The following GNAO1 variants were observed in gnomAD, a reference collection of about 807,000 sequenced individuals.
The protein encoded by GNAO1 is guanine nucleotide-binding protein G(o) subunit alpha.
For synonymous variants in GNAO1, 164 were observed against 180.7 expected (o/e 0.91, Z 0.74); for missense variants, 166 against 478.7 (o/e 0.35, Z 6.10).
At chr16:56,233,469 G>A (rs1286078811) in intron 2 of GNAO1, among the ~76,000 whole-genome samples, 1 of 152,196 alleles carries the variant, frequency 6.6e-6, no homozygotes, top group Non-Finnish European at 1.5e-5. Flanking sequence ...CTTGCTGTAG[G>A]CCAAGGCTTT....
At chr16:56,216,970 C>G (rs1167597038) in intron 2 of GNAO1, among the ~76,000 whole-genome samples, 1 of 152,220 alleles carries the variant, frequency 6.6e-6, no homozygotes, top group Admixed American at 6.5e-5. Flanking sequence ...AGATAAAGCA[C>G]TTGGCTTAGG....
Position 56,192,750 on chromosome 16 carries a change from A to ACC in GNAO1, c.161+137_161+138dup, listed in dbSNP as rs573210884. 4,921 of 573,780 alleles carry ACC rather than the reference A, an allele frequency of 8.6e-3. 68 individuals carry two copies. The highest frequency in any genetic ancestry group is 0.071 in the Admixed American group (2,891 of 40,874). The allele number at this position is 573,780 out of a possible 1,614,324, so 35.5% of individuals were successfully genotyped here. ...TGCACACACACACACACACACACAC[A>ACC]CCCCTATATTTGACTCCCCTCCCCC... is the stretch of plus-strand genomic sequence containing the variant. On this transcript the variant is annotated intron_variant, in intron 2 of 8. Transcript: ENST00000262493.
chr16:56,348,032 T>C, intron 6 of GNAO1: 1 of 980,814 alleles, frequency 1.0e-6, no homozygotes, highest in African/African-American at 1.7e-5. Context: ...TCGAGTGCAG[T>C]GGTCCCACCT....
intron 3 of GNAO1, among the ~76,000 whole-genome samples, chr16:56,322,469 G>T (rs2037584490): frequency 2.0e-5 from 3 of 152,174 alleles, no homozygotes; most frequent in Non-Finnish European, 2.9e-5. Flanking sequence ...CTAAAAGCAG[G>T]CAGACAAAGG....
At chr16:56,198,176 G>T (rs560076281) in intron 2 of GNAO1, among the ~76,000 whole-genome samples, 3 of 152,350 alleles carry the variant, frequency 2.0e-5, no homozygotes, top group Non-Finnish European at 2.9e-5. Flanking sequence ...CAGAGTGTGG[G>T]TTTACAAATG....
intron 3 of GNAO1, 118 bp from the exon 4 acceptor site, chr16:56,328,513 G>A (rs374083641): frequency 1.7e-5 from 17 of 1,009,808 alleles, no homozygotes; most frequent in East Asian, 2.4e-5. Flanking sequence ...GCTGAGCTGC[G>A]GTCCTGCTGC....
At chr16:56,287,784 G>A (rs115587601) in intron 3 of GNAO1, among the ~76,000 whole-genome samples, 2 of 152,088 alleles carry the variant, frequency 1.3e-5, no homozygotes, top group African/African-American at 2.4e-5. Context: ...CTTTGCAGGA[G>A]TGGAGCTGAG....
At chr16:56,299,740 G>A (rs1390300774) in intron 3 of GNAO1, among the ~76,000 whole-genome samples, 3 of 152,208 alleles carry the variant, frequency 2.0e-5, no homozygotes, top group Non-Finnish European at 4.4e-5. Flanking sequence ...AACTAGCAGA[G>A]TAGCCACTTC....
intron 2 of GNAO1, among the ~76,000 whole-genome samples, chr16:56,257,821 C>T (rs1341130305): frequency 6.6e-6 from 1 of 152,200 alleles, no homozygotes; most frequent in Non-Finnish European, 1.5e-5. Flanking sequence ...ACAGGGCCAG[C>T]AGGCTGGTAG....
chr16:56,288,546 C>T (rs756114299), intron 3 of GNAO1, among the ~76,000 whole-genome samples: 1 of 152,226 alleles, frequency 6.6e-6, no homozygotes, highest in African/African-American at 2.4e-5. Context: ...TAAAAGGAGG[C>T]TGCTTCCTCT....
At chr16:56,295,304 G>A (rs969296586) in intron 3 of GNAO1, among the ~76,000 whole-genome samples, 2 of 152,120 alleles carry the variant, frequency 1.3e-5, no homozygotes, top group South Asian at 2.1e-4. Context: ...TCCGTGGCTC[G>A]CAGATGGGCA....
At chr16:56,291,819 A>G (rs1468271338) in intron 3 of GNAO1, among the ~76,000 whole-genome samples, 1 of 152,196 alleles carries the variant, frequency 6.6e-6, no homozygotes, top group Non-Finnish European at 1.5e-5. Context: ...ATGGTGCCCT[A>G]TCACTGCATC....
At chr16:56,343,852 G>T in intron 6 of GNAO1, 1 of 1,613,940 alleles carries the variant, frequency 6.2e-7, no homozygotes. Context: ...CTACACCCAC[G>T]TCACCTGCGC....
chr16:56,192,526 C>A, intron 1 of GNAO1, 48 bp from the exon 2 acceptor site: 1 of 1,307,192 alleles, frequency 7.6e-7, no homozygotes, highest in Non-Finnish European at 1.1e-6. Flanking sequence ...CCCCTGTTCC[C>A]TTAAGCTGAC....
chr16:56,342,717 G>T (rs553286048), intron 6 of GNAO1, among the ~76,000 whole-genome samples: 1 of 152,206 alleles, frequency 6.6e-6, no homozygotes, highest in Admixed American at 6.5e-5. Context: ...AAAGGAAAAG[G>T]CCCACCCACA....
chr16:56,250,276 A>AC (rs1311464090), intron 2 of GNAO1, among the ~76,000 whole-genome samples: 10 of 152,238 alleles, frequency 6.6e-5, no homozygotes, highest in African/African-American at 2.4e-4. Context: ...TTCTTGGCTT[A>AC]CCAGGGGTCT....
At chr16:56,248,154 A>G (rs2036766584) in intron 2 of GNAO1, among the ~76,000 whole-genome samples, 1 of 152,262 alleles carries the variant, frequency 6.6e-6, no homozygotes, top group African/African-American at 2.4e-5. Flanking sequence ...TTTTAACAGT[A>G]AAACATATTT....
chr16:56,247,482 G>GTTTTT (rs61650674), intron 2 of GNAO1, among the ~76,000 whole-genome samples: 24 of 119,658 alleles, frequency 2.0e-4, no homozygotes, highest in African/African-American at 2.5e-4. Context: ...TTAGGGTGAG[G>GTTTTT]TTTTTTTTTT....
Position 56,227,409 on chromosome 16 carries a change from C to T in GNAO1, c.161+34793C>T, listed in dbSNP as rs1287699368. ...TCAGGGAGTGAGCACCTGGTTCCCACCCTGTCTCCAGGCCTGAGCCAGTCA... is the reference window on the plus strand; with the variant it reads ...TCAGGGAGTGAGCACCTGGTTCCCATCCTGTCTCCAGGCCTGAGCCAGTCA... On this transcript the variant is annotated intron_variant, in intron 2 of 8. Coordinates refer to ENST00000262493, the MANE Select transcript of GNAO1 (RefSeq NM_020988.3). Among the ~76,000 whole-genome samples the T allele has an allele frequency of 5.3e-5, 8 of 152,154 alleles. No homozygotes were observed. The South Asian group carries it at 1.7e-3, about 31-fold the overall frequency.
Sources: gnomAD v4.1 joint callset for allele counts (sites outside exome capture counted in the v4.1 genomes callset) on GRCh38, gnomAD v4.1.1 for gene constraint, MANE v1.5 for transcripts, NCBI Gene and HGNC (gene_info 2026-07-23, HGNC 2026-07-21) for gene names.